The following DYNC1LI2 variants were observed in gnomAD, a reference collection of about 807,000 sequenced individuals.
DYNC1LI2 encodes dynein cytoplasmic 1 light intermediate chain 2.
A neutral mutation model predicts 57.8 loss-of-function variants in DYNC1LI2; 19 were observed. That is an observed-to-expected ratio of 0.33 (90% CI 0.23 to 0.48). DYNC1LI2 has a LOEUF of 0.48. DYNC1LI2 is among the 20% of genes least tolerant of loss of function. The pLI is 0.99. For missense variants in DYNC1LI2, 470 were observed against 604.2 expected, an observed-to-expected ratio of 0.78 and a Z score of 2.33; for synonymous variants, 256 against 233.4, an observed-to-expected ratio of 1.10 and a Z score of -0.88.
At chr16:66,744,012 ACAGAG>A (rs1417260578) in intron 3 of DYNC1LI2, among the ~76,000 whole-genome samples, 7 of 152,194 alleles carry the variant, frequency 4.6e-5, no homozygotes, top group African/African-American at 1.4e-4. Context: ...TGGGGAGTAA[ACAGAG>A]CAAAGAGTAA....
At chr16:66,732,113 G>A (rs959548214) in intron 7 of DYNC1LI2, 3 of 501,754 alleles carry the variant, frequency 6.0e-6, no homozygotes, top group Non-Finnish European at 1.0e-5. Flanking sequence ...GCTGGCTTAG[G>A]TTTTGGCAAC....
intron 5 of DYNC1LI2, among the ~76,000 whole-genome samples, chr16:66,735,100 G>GTTTTTTTTTTTTTTTTTTTTTTTTTTT (rs71145936): frequency 7.4e-6 from 1 of 134,830 alleles, no homozygotes. Flanking sequence ...AACTTTGTTT[G>GTTTTTTTTTTTTTTTTTTTTTTTTTTT]TTTTTTTTTT....
chr16:66,737,707 C>A (rs7204805), intron 4 of DYNC1LI2, among the ~76,000 whole-genome samples: 72,797 of 151,886 alleles, frequency 0.48, 18,022 homozygotes, highest in East Asian at 0.63. Context: ...CTGCCTAACA[C>A]AAGAAAGGGT....
chr16:66,736,122 C>T lies in DYNC1LI2; in HGVS notation c.652G>A (p.Val218Met), dbSNP rs1352692829. The change falls in exon 5 of 13, where the codon GTG (valine) becomes ATG (methionine). Residue 218 changes from valine (V) to methionine (M), a missense_variant. Physicochemically the swap from Val to Met is conservative, Grantham distance 21. Transcript: ENST00000258198. ...ENVALPLGDN[V>M]LTHNLGIPVL... ...GGGATCCCCAGGTTATGAGTCAGCA[C>T]ATTGTCACCCAGAGGCAGGGCAACA... 6.2e-7 allele frequency: 1 copy of T among 1,614,104 alleles called. No homozygotes were observed. The highest frequency in any genetic ancestry group is 1.1e-5 in the South Asian group (1 of 91,064).
intron 12 of DYNC1LI2, among the ~76,000 whole-genome samples, chr16:66,724,955 T>C (rs1366583391): frequency 1.3e-5 from 2 of 152,114 alleles, no homozygotes; most frequent in Non-Finnish European, 2.9e-5. Context: ...GTGGATCACC[T>C]GAGGTCAGGA....
intron 5 of DYNC1LI2, 137 bp from the exon 6 acceptor site, chr16:66,734,448 G>C: frequency 5.1e-6 from 4 of 781,366 alleles, no homozygotes; most frequent in Middle Eastern, 3.2e-4. Context: ...AATTAGAGAA[G>C]AGTAAAAAAG....
At chr16:66,737,587 G>C (rs2017758212) in intron 4 of DYNC1LI2, among the ~76,000 whole-genome samples, 1 of 151,800 alleles carries the variant, frequency 6.6e-6, no homozygotes, top group Non-Finnish European at 1.5e-5. Context: ...TAAGTAACCA[G>C]GCTGGTCTTG....
At chr16:66,741,878 T>C (rs924748904) in intron 4 of DYNC1LI2, among the ~76,000 whole-genome samples, 3 of 99,504 alleles carry the variant, frequency 3.0e-5, no homozygotes, top group African/African-American at 7.9e-5. Context: ...AGTCTTAAAA[T>C]AACCTTTCAT....
At chr16:66,724,627 G>A (rs1181787957) in intron 12 of DYNC1LI2, 1 of 152,148 alleles carries the variant, frequency 6.6e-6, no homozygotes, top group Non-Finnish European at 1.5e-5. Context: ...GTTTTGTTTT[G>A]TTTCAGAGAT....
Position 66,723,039 on chromosome 16 carries a change from C to T in DYNC1LI2, c.*683G>A. 3.1e-6 allele frequency: 1 copy of T among 320,938 alleles called. No individual in the cohort carries two copies. The highest frequency in any genetic ancestry group is 6.1e-6 in the Non-Finnish European group (1 of 163,286). The allele number at this position is 320,938 out of a possible 1,614,324, so 19.9% of individuals were successfully genotyped here. On this transcript the variant is annotated 3_prime_UTR_variant, in exon 13 of 13. Coordinates refer to ENST00000258198, the MANE Select transcript of DYNC1LI2 (RefSeq NM_006141.3). ...GGTCCTGGGCAGCTGCCATCGTTCCCACCCCTGGGTCAGCTCCGCCTGACT... is the reference window on the plus strand; with the variant it reads ...GGTCCTGGGCAGCTGCCATCGTTCCTACCCCTGGGTCAGCTCCGCCTGACT...
chr16:66,748,277 CAAAAA>C lies in DYNC1LI2; in HGVS notation c.298+915_298+919del, dbSNP rs36186799. Among the ~76,000 whole-genome samples, 351 of 66,032 alleles carry C rather than the reference CAAAAA, an allele frequency of 5.3e-3. 5 individuals carry two copies. The highest frequency in any genetic ancestry group is 0.033 in the Middle Eastern group (3 of 90). 43.3% of individuals were successfully genotyped at this position (66,032 alleles called of 152,430 possible). A position where few individuals can be genotyped will look rare whatever the true frequency, so the allele number is the denominator to read the frequency against. On this transcript the variant is annotated intron_variant, in intron 3 of 12. Coordinates refer to ENST00000258198, the MANE Select transcript of DYNC1LI2 (RefSeq NM_006141.3). The stretch of plus-strand genomic sequence containing the variant: ...TGGGTGACAGAGTAAAACCCTGTCT[CAAAAA>C]AAAAAAAAAAAAAAAAAAAAAAACT...
chr16:66,744,660 A>G (rs1371110727), intron 3 of DYNC1LI2, among the ~76,000 whole-genome samples: 1 of 151,948 alleles, frequency 6.6e-6, no homozygotes, highest in African/African-American at 2.4e-5. Context: ...CCCAGGTTCA[A>G]GCGATTTTCC....
At chr16:66,742,706 C>A in intron 3 of DYNC1LI2, 38 bp from the exon 4 acceptor site, 1 of 1,585,126 alleles carries the variant, frequency 6.3e-7, no homozygotes, top group Non-Finnish European at 8.6e-7. Context: ...TACCACCTGA[C>A]AGTGACCATC....
chr16:66,724,089 A>G (rs2017496432), intron 12 of DYNC1LI2, among the ~76,000 whole-genome samples: 1 of 152,104 alleles, frequency 6.6e-6, no homozygotes, highest in African/African-American at 2.4e-5. Context: ...TGTGCCAAAT[A>G]CAAGAACCTT....
In DYNC1LI2 at chr16:66,725,867, G is replaced by T; in HGVS notation, c.1339C>A (p.Pro447Thr). The change falls in exon 12 of 13, where the codon CCT becomes ACT. Residue 447 changes from proline (P) to threonine (T), a missense_variant. Pro to Thr is a conservative substitution (Grantham distance 38, BLOSUM62 -1). Transcript: ENST00000258198. ...LSKKTGSPGS[P>T]GAGGVQSTAK... is the part of the protein sequence containing the mutation. ...GTGCTCTGCACCCCACCAGCACCAG[G>T]ACTTCCAGGAGAGCCTGTCTTTTTA... The T allele has an allele frequency of 6.2e-7, 1 of 1,614,118 alleles. No individual in the cohort carries two copies. Among genetic ancestry groups the T allele is most frequent in the South Asian group, 1.1e-5 (1 of 91,074 alleles).
At chr16:66,730,300 C>T in intron 7 of DYNC1LI2, 77 bp from the exon 8 acceptor site, 1 of 1,257,330 alleles carries the variant, frequency 8.0e-7, no homozygotes, top group Non-Finnish European at 1.1e-6. Context: ...ATTCAGGACT[C>T]CTGGGTAGGA....
In DYNC1LI2 at chr16:66,723,827, A is replaced by G; in HGVS notation, c.1379-5T>C. 2.4e-6 allele frequency: 2 copies of G among 845,626 alleles called. No individual in the cohort carries two copies. Among genetic ancestry groups the G allele is most frequent in the Non-Finnish European group, 3.0e-6 (2 of 657,786 alleles). The allele number at this position is 845,626 out of a possible 1,614,324, so 52.4% of individuals were successfully genotyped here. A position where few individuals can be genotyped will look rare whatever the true frequency, so the allele number is the denominator to read the frequency against. On this transcript the variant is annotated splice_region_variant and splice_polypyrimidine_tract_variant and intron_variant, in intron 12 of 12. Coordinates refer to ENST00000258198, the MANE Select transcript of DYNC1LI2 (RefSeq NM_006141.3). ...TTGACAACACAGTCTTTTGTCCTGA[A>G]AAAAAAAAAAAGCAAAAAAGCAAAG...
chr16:66,727,829 C>A, intron 10 of DYNC1LI2, 24 bp from the exon 11 acceptor site: 1 of 1,580,728 alleles, frequency 6.3e-7, no homozygotes, highest in South Asian at 1.1e-5. Flanking sequence ...CAGCTAAGGT[C>A]ACACACAGGC....
chr16:66,727,813 C>A lies in DYNC1LI2; in HGVS notation c.1144-8G>T. On this transcript the variant is annotated splice_polypyrimidine_tract_variant and splice_region_variant and intron_variant, in intron 10 of 12. Coordinates refer to ENST00000258198, the MANE Select transcript of DYNC1LI2 (RefSeq NM_006141.3). ...TCCTCTTGCAGGAGATTCCTAAGTC[C>A]AAAAGCAGCTAAGGTCACACACAGG... 6.2e-7 allele frequency: 1 copy of A among 1,606,908 alleles called. No homozygotes were observed. Among genetic ancestry groups the A allele is most frequent in the Non-Finnish European group, 8.5e-7 (1 of 1,176,684 alleles).
Sources: allele counts gnomAD v4.1 joint callset (sites outside exome capture counted in the v4.1 genomes callset), GRCh38; gene constraint gnomAD v4.1.1; transcripts MANE v1.5; gene names NCBI Gene and HGNC (gene_info 2026-07-23, HGNC 2026-07-21).